IL1RAPL1: variants seen among roughly 807,000 people sequenced by gnomAD.
IL1RAPL1 encodes the protein interleukin 1 receptor accessory protein like 1, also known as interleukin-1 receptor accessory protein-like 1.
A neutral mutation model predicts 48.4 loss-of-function variants in IL1RAPL1; 3 were observed. The ratio of observed to expected loss-of-function variants is 0.06; its 90% CI spans 0.03 to 0.16. IL1RAPL1 has a LOEUF of 0.16. Among genes scored for constraint, IL1RAPL1 ranks in the 10% least tolerant of loss-of-function variants. IL1RAPL1 has a pLI of 1.00. For synonymous variants in IL1RAPL1, 185 were observed against 187.7 expected (o/e 0.99, Z 0.12); for missense variants, 349 against 530.6 (o/e 0.66, Z 3.36).
At chrX:29,462,278 A>G (rs1003755127) in intron 5 of IL1RAPL1, among the ~76,000 whole-genome samples, 6 of 111,368 alleles carry the variant, frequency 5.4e-5, no homozygotes, top group Non-Finnish European at 9.4e-5. Context: ...GAAATAAAAT[A>G]TTGCTTGGGG....
chrX:29,003,734 A>G (rs912991534), intron 2 of IL1RAPL1, among the ~76,000 whole-genome samples: 1 of 112,651 alleles, frequency 8.9e-6, no homozygotes, highest in Non-Finnish European at 1.9e-5. Context: ...GATTACTTAT[A>G]TGCTAATGTG....
At chrX:28,794,317 T>A (rs992477900) in intron 2 of IL1RAPL1, among the ~76,000 whole-genome samples, 3 of 111,562 alleles carry the variant, frequency 2.7e-5, no homozygotes, top group African/African-American at 9.8e-5. Flanking sequence ...GGAATTCTAC[T>A]ACGTTTAGTG....
At chrX:29,063,846 A>G (rs1212552500) in intron 2 of IL1RAPL1, among the ~76,000 whole-genome samples, 1 of 112,196 alleles carries the variant, frequency 8.9e-6, no homozygotes, top group Non-Finnish European at 1.9e-5. Context: ...TAATATGTAT[A>G]TTTTAACAGG....
chrX:28,620,270 G>A (rs1214269989), intron 1 of IL1RAPL1, among the ~76,000 whole-genome samples: 1 of 111,505 alleles, frequency 9.0e-6, no homozygotes, highest in African/African-American at 3.3e-5. Flanking sequence ...CATAAACTAA[G>A]GTTTGCCAGA....
At chrX:29,632,287 T>C (rs1410537704) in intron 5 of IL1RAPL1, among the ~76,000 whole-genome samples, 1 of 109,659 alleles carries the variant, frequency 9.1e-6, no homozygotes, top group African/African-American at 3.3e-5. Context: ...TAGCTGGGAC[T>C]ACAGGCGCCC....
chrX:29,387,578 TAAG>T (rs1933795035), intron 3 of IL1RAPL1, among the ~76,000 whole-genome samples: 1 of 112,255 alleles, frequency 8.9e-6, no homozygotes, highest in Non-Finnish European at 1.9e-5. Context: ...TAGGATGAAA[TAAG>T]AAGATCATCA....
chrX:29,202,341 AT>A (rs1364834703), intron 2 of IL1RAPL1, among the ~76,000 whole-genome samples: 1 of 112,006 alleles, frequency 8.9e-6, no homozygotes, highest in African/African-American at 3.2e-5. Flanking sequence ...AATGGCTATT[AT>A]CAAAAATTTA....
chrX:29,067,505 A>G (rs1361175290), intron 2 of IL1RAPL1, among the ~76,000 whole-genome samples: 1 of 112,370 alleles, frequency 8.9e-6, no homozygotes, highest in Non-Finnish European at 1.9e-5. Flanking sequence ...AGCCTATTTC[A>G]TACCAGTTAA....
chrX:29,769,104 A>G (rs1337274820), intron 6 of IL1RAPL1, among the ~76,000 whole-genome samples: 2 of 111,406 alleles, frequency 1.8e-5, no homozygotes, highest in Non-Finnish European at 3.8e-5. Context: ...TGCCCATTCC[A>G]TATATTTCAT....
chrX:29,332,636 ATTTATTTATTTATTTTAT>A (rs1569287609), intron 3 of IL1RAPL1, among the ~76,000 whole-genome samples: 49 of 98,123 alleles, frequency 5.0e-4, no homozygotes, highest in African/African-American at 1.9e-3. Context: ...TTATTTATTT[ATTTATTTATTTATTTTAT>A]TTTTTTTTTT....
chrX:28,997,153 A>T (rs752791603), intron 2 of IL1RAPL1, among the ~76,000 whole-genome samples: 8 of 110,978 alleles, frequency 7.2e-5, no homozygotes, highest in Non-Finnish European at 1.3e-4. Context: ...GCACTTTTAT[A>T]CCCTTCTCTC....
intron 1 of IL1RAPL1, among the ~76,000 whole-genome samples, chrX:28,740,208 T>C (rs374436564): frequency 8.9e-6 from 1 of 111,935 alleles, no homozygotes; most frequent in African/African-American, 3.2e-5. Flanking sequence ...GGTTTAGAAA[T>C]TGTCAACAGC....
chrX:28,991,374 A>T (rs1216835934), intron 2 of IL1RAPL1, among the ~76,000 whole-genome samples: 1 of 97,841 alleles, frequency 1.0e-5, no homozygotes, highest in Non-Finnish European at 2.0e-5. Context: ...GGATACCATA[A>T]GATAATTTCA....
At chrX:28,869,811 G>A (rs1295631371) in intron 2 of IL1RAPL1, among the ~76,000 whole-genome samples, 1 of 111,334 alleles carries the variant, frequency 9.0e-6, no homozygotes, top group Admixed American at 9.6e-5. Flanking sequence ...GCCAATTTTA[G>A]AATATTTTAT....
chrX:28,756,604 T>C (rs914554694), intron 1 of IL1RAPL1, among the ~76,000 whole-genome samples: 1 of 112,254 alleles, frequency 8.9e-6, no homozygotes, highest in Non-Finnish European at 1.9e-5. Context: ...TGGCTCATAC[T>C]TAATCACTTT....
intron 6 of IL1RAPL1, among the ~76,000 whole-genome samples, chrX:29,904,203 G>A (rs1395541573): frequency 9.0e-6 from 1 of 111,377 alleles, no homozygotes; most frequent in Non-Finnish European, 1.9e-5. Context: ...CGGAAGAGCT[G>A]TGGTGGTTGG....
chrX:28,781,948 A>G (rs1248782245), intron 1 of IL1RAPL1, among the ~76,000 whole-genome samples: 1 of 112,031 alleles, frequency 8.9e-6, no homozygotes, highest in East Asian at 2.8e-4. Context: ...ATAATTATAT[A>G]TGTATGAATA....
chrX:29,925,478 G>C (rs2147243217), intron 8 of IL1RAPL1, among the ~76,000 whole-genome samples: 1 of 67,625 alleles, frequency 1.5e-5, no homozygotes, highest in South Asian at 1.2e-3. Flanking sequence ...ATTTGTATAA[G>C]ACGTCTAATA....
chrX:29,267,302 G>A (rs1931970594), intron 2 of IL1RAPL1, among the ~76,000 whole-genome samples: 1 of 112,007 alleles, frequency 8.9e-6, no homozygotes, highest in Admixed American at 9.5e-5. Flanking sequence ...ATTGAATAAG[G>A]TCACTTCTGG....
Sources: allele counts gnomAD v4.1 joint callset (sites outside exome capture counted in the v4.1 genomes callset), GRCh38; gene constraint gnomAD v4.1.1; transcripts MANE v1.5; gene names NCBI Gene and HGNC (gene_info 2026-07-23, HGNC 2026-07-21).